STK38L: variants seen among roughly 807,000 people sequenced by gnomAD.
STK38L encodes the protein serine/threonine-protein kinase 38-like.
STK38L carries 28 observed loss-of-function variants against 59.7 expected under a neutral mutation model. The ratio of observed to expected loss-of-function variants is 0.47; its 90% CI spans 0.35 to 0.64. STK38L has a LOEUF of 0.64. STK38L is among the 30% of genes least tolerant of loss of function. The pLI is 0.01. For missense variants in STK38L, 314 were observed against 555.8 expected (o/e 0.56, Z 4.37); for synonymous variants, 162 against 176.8 (o/e 0.92, Z 0.66).
rs748266499 is a variant in STK38L at position 27,322,574 on chromosome 12, A to C, written c.*119A>C. 1 of 1,362,132 alleles carries C rather than the reference A, an allele frequency of 7.3e-7. No homozygotes were observed. Among genetic ancestry groups the C allele is most frequent in the Non-Finnish European group, 9.7e-7 (1 of 1,028,518 alleles). 84.4% of individuals were successfully genotyped at this position (1,362,132 alleles called of 1,614,324 possible). On this transcript the variant is annotated 3_prime_UTR_variant, in exon 14 of 14. Transcript: ENST00000389032. ...AAGATGGTGGTGCTTATTGACTACAAGAGGAAATTCTACAGGATTAGGATT... is the reference window on the plus strand; with the variant it reads ...AAGATGGTGGTGCTTATTGACTACACGAGGAAATTCTACAGGATTAGGATT...
chr12:27,315,118 G>C lies in STK38L; in HGVS notation c.775+1G>C. The C allele has an allele frequency of 6.2e-7, 1 of 1,612,236 alleles. No homozygotes were observed. The highest frequency in any genetic ancestry group is 8.5e-7 in the Non-Finnish European group (1 of 1,178,758). The stretch of plus-strand genomic sequence containing the variant: ...ACACACAACCCACCAAGTGACTTCT[G>C]TAAGTTTGGTTGTTGTTTTTCTTCT... On this transcript the variant is annotated splice_donor_variant, in intron 8 of 13. Coordinates refer to ENST00000389032, the MANE Select transcript of STK38L (RefSeq NM_015000.4). LOFTEE classifies it high-confidence loss of function.
intron 1 of STK38L, among the ~76,000 whole-genome samples, chr12:27,289,585 G>A (rs1943851963): frequency 6.6e-6 from 1 of 152,252 alleles, no homozygotes; most frequent in African/African-American, 2.4e-5. Flanking sequence ...ATTCACAGAA[G>A]GAGCAAAGAC....
intron 1 of STK38L, among the ~76,000 whole-genome samples, chr12:27,293,262 A>G (rs555076489): frequency 6.6e-5 from 10 of 152,252 alleles, no homozygotes; most frequent in East Asian, 1.9e-4. Flanking sequence ...TAGCCCCCCA[A>G]TTTGGCTTCA....
Position 27,308,359 on chromosome 12 carries a change from A to G in STK38L, c.207A>G (p.Gln69=), listed in dbSNP as rs373479494. 3.8e-6 allele frequency: 6 copies of G among 1,592,994 alleles called. No individual in the cohort carries two copies. In the African/African-American group the frequency reaches 6.8e-5, roughly 18 times the overall value. The change falls in exon 4 of 14, where the codon CAA becomes CAG. Residue 69 remains glutamine, a synonymous_variant. Transcript: ENST00000389032. The surrounding 1 kb of genome is among the most constrained non-coding windows in gnomAD (Gnocchi z 4.5). ...ADEEKKLRRS[Q]HARKETEFLR... ...AATAGAAAAAGTTACGTCGATCACA[A>G]CACGCTCGCAAAGAAACAGAGTTCT...
At chr12:27,283,890 C>A (rs1036314143) in intron 1 of STK38L, among the ~76,000 whole-genome samples, 1 of 152,066 alleles carries the variant, frequency 6.6e-6, no homozygotes, top group African/African-American at 2.4e-5. Flanking sequence ...ATTTTGAGAC[C>A]CTAACTTTGG....
chr12:27,288,913 A>G (rs1433767724), intron 1 of STK38L, among the ~76,000 whole-genome samples: 1 of 149,880 alleles, frequency 6.7e-6, no homozygotes, highest in Non-Finnish European at 1.5e-5. Flanking sequence ...ATCAAGACAA[A>G]TATTTTTCTG....
chr12:27,247,081 G>C (rs1341572945), intron 1 of STK38L, among the ~76,000 whole-genome samples: 1 of 152,242 alleles, frequency 6.6e-6, no homozygotes, highest in Admixed American at 6.5e-5. Flanking sequence ...TTCTGTGGAT[G>C]ATTTAAGTGA....
intron 11 of STK38L, among the ~76,000 whole-genome samples, chr12:27,318,792 C>A (rs1565557672): frequency 6.6e-6 from 1 of 152,110 alleles, no homozygotes; most frequent in Non-Finnish European, 1.5e-5. Flanking sequence ...GAAATCAAAA[C>A]CATCCTGGCT....
At chr12:27,320,085 C>T (rs1944687476) in intron 12 of STK38L, among the ~76,000 whole-genome samples, 1 of 152,192 alleles carries the variant, frequency 6.6e-6, no homozygotes, top group African/African-American at 2.4e-5. Context: ...TCTCCTACTC[C>T]TCTTCCCACC....
At chr12:27,274,023 G>A (rs900133458) in intron 1 of STK38L, among the ~76,000 whole-genome samples, 1 of 152,046 alleles carries the variant, frequency 6.6e-6, no homozygotes, top group Non-Finnish European at 1.5e-5. Flanking sequence ...GGGAGGCTGA[G>A]GTGGGCGGAT....
At chr12:27,267,667 G>C (rs1943328016) in intron 1 of STK38L, among the ~76,000 whole-genome samples, 1 of 152,156 alleles carries the variant, frequency 6.6e-6, no homozygotes, top group Non-Finnish European at 1.5e-5. Context: ...GCATCAAACT[G>C]TTCTCCAAAG....
intron 1 of STK38L, among the ~76,000 whole-genome samples, chr12:27,269,526 T>G (rs1042410116): frequency 1.3e-5 from 2 of 152,222 alleles, no homozygotes; most frequent in African/African-American, 4.8e-5. Context: ...TACTGTAGCC[T>G]TGTAGTATAG....
chr12:27,284,148 A>G (rs1181983943), intron 1 of STK38L, among the ~76,000 whole-genome samples: 1 of 152,220 alleles, frequency 6.6e-6, no homozygotes, highest in Non-Finnish European at 1.5e-5. Context: ...AGTGTTAGAT[A>G]TGGACATGAG....
rs569717440 is a variant in STK38L at position 27,314,259 on chromosome 12, G to A, written c.518-245G>A. Among the ~76,000 whole-genome samples, 8 of 151,996 alleles carry A rather than the reference G, an allele frequency of 5.3e-5. No individual in the cohort carries two copies. In the East Asian group the frequency reaches 1.2e-3, roughly 22 times the overall value. On this transcript the variant is annotated intron_variant, in intron 6 of 13. Coordinates refer to ENST00000389032, the MANE Select transcript of STK38L (RefSeq NM_015000.4). ...CTACTAAAAATACAAAAATTAGCTG[G>A]GTGTGGTGGTGCACACCTGTAATCT... is the stretch of plus-strand genomic sequence containing the variant.
intron 1 of STK38L, among the ~76,000 whole-genome samples, chr12:27,260,369 C>G (rs997433941): frequency 1.3e-5 from 2 of 152,170 alleles, no homozygotes; most frequent in Non-Finnish European, 2.9e-5. Context: ...GTATTTTTCT[C>G]ATAACATCTA....
At chr12:27,261,916 A>G (rs1257777721) in intron 1 of STK38L, among the ~76,000 whole-genome samples, 1 of 152,230 alleles carries the variant, frequency 6.6e-6, no homozygotes, top group Non-Finnish European at 1.5e-5. Context: ...ATTATTAACT[A>G]ATACAGTATA....
chr12:27,314,992 A>G lies in STK38L; in HGVS notation c.673-23A>G, dbSNP rs763178371. ...TTTGTTTTCAAAGTTAATATGATCT[A>G]ATTTTACTGGATTTTTTTTTAGGGT... On this transcript the variant is annotated intron_variant, in intron 7 of 13. Transcript: ENST00000389032. 5 of 1,562,108 alleles carry G rather than the reference A, an allele frequency of 3.2e-6. No homozygotes were observed. In the Admixed American group the frequency reaches 7.2e-5, roughly 22 times the overall value.
At chr12:27,276,348 G>A (rs1181436261) in intron 1 of STK38L, among the ~76,000 whole-genome samples, 1 of 152,162 alleles carries the variant, frequency 6.6e-6, no homozygotes, top group Non-Finnish European at 1.5e-5. Flanking sequence ...ATTTTGGGAA[G>A]TCATGATAAT....
chr12:27,297,867 C>A lies in STK38L; in HGVS notation c.134+13C>A. On this transcript the variant is annotated intron_variant, in intron 2 of 13. Coordinates refer to ENST00000389032, the MANE Select transcript of STK38L (RefSeq NM_015000.4). ...AGAGAGAAACCAGGTATAGTAAGGG[C>A]TAATCAAAACTTTTTTTAGTTAAAT... 2 of 1,611,840 alleles carry A rather than the reference C, an allele frequency of 1.2e-6. No homozygotes were observed. The highest frequency in any genetic ancestry group is 1.7e-6 in the Non-Finnish European group (2 of 1,179,328).
Sources: allele counts gnomAD v4.1 joint callset (sites outside exome capture counted in the v4.1 genomes callset), GRCh38; gene constraint gnomAD v4.1.1; non-coding constraint Gnocchi (gnomAD v3.1); transcripts MANE v1.5; gene names NCBI Gene and HGNC (gene_info 2026-07-23, HGNC 2026-07-21).